SLC5A4: variants seen among roughly 807,000 people sequenced by gnomAD.
SLC5A4 encodes solute carrier family 5 member 4, also known as probable glucose sensor protein SLC5A4.
Under a neutral mutation model 70.3 loss-of-function variants are expected in SLC5A4, and 55 were observed. The ratio of observed to expected loss-of-function variants is 0.78; its 90% CI spans 0.63 to 0.98. The LOEUF (loss-of-function observed/expected upper bound fraction) is 0.98, where lower values mean the gene tolerates loss of function less well. Ranked by LOEUF, SLC5A4 falls within the 50% of genes least tolerant of loss-of-function variation. The probability of loss-of-function intolerance (pLI) is 0.00; values close to 1 mark genes in which losing one functional copy is unlikely to be tolerated. For synonymous variants in SLC5A4, 268 were observed against 305.7 expected, an observed-to-expected ratio of 0.88 and a Z score of 1.29; for missense variants, 735 against 839.2, an observed-to-expected ratio of 0.88 and a Z score of 1.53.
At chr22:32,298,859 A>G in the SLC5A4 span, among the ~76,000 whole-genome samples, 11,491 of 106,870 alleles carry the variant, frequency 0.11, 1,290 homozygotes, top group African/African-American at 0.25. Context: ...GGTGGTGACA[A>G]AATCTCTCAG....
At chr22:32,285,864 G>C in the SLC5A4 span, among the ~76,000 whole-genome samples, 5 of 152,000 alleles carry the variant, frequency 3.3e-5, no homozygotes, top group Admixed American at 6.6e-5. Context: ...AGCCTCCTGA[G>C]TAGCTGGGAC....
At chr22:32,270,863 C>T in the SLC5A4 span, 1 of 550,160 alleles carries the variant, frequency 1.8e-6, no homozygotes, top group Non-Finnish European at 3.4e-6. Context: ...GCTGCACAAG[C>T]CCCCGCTGCA....
intron 5 of SLC5A4, among the ~76,000 whole-genome samples, chr22:32,241,009 A>C (rs1037984052): frequency 6.6e-6 from 1 of 152,218 alleles, no homozygotes. Flanking sequence ...AGTTTATGGC[A>C]AAACCAACAA....
At chr22:32,311,445 T>C in the SLC5A4 span, among the ~76,000 whole-genome samples, 2 of 152,230 alleles carry the variant, frequency 1.3e-5, no homozygotes, top group African/African-American at 4.8e-5. Context: ...AGCGTGGCCT[T>C]TGGAGATGTT....
the SLC5A4 span, among the ~76,000 whole-genome samples, chr22:32,305,209 T>C: frequency 6.7e-6 from 1 of 148,398 alleles, no homozygotes; most frequent in Admixed American, 6.8e-5. Flanking sequence ...AAAATTTTCC[T>C]GTATCTTTTT....
the SLC5A4 span, among the ~76,000 whole-genome samples, chr22:32,281,460 CA>C: frequency 1.3e-5 from 2 of 152,224 alleles, no homozygotes; most frequent in South Asian, 4.1e-4. Context: ...CTGTTTTGTG[CA>C]CTGCCACAGG....
At chr22:32,324,294 T>C in the SLC5A4 span, among the ~76,000 whole-genome samples, 1 of 146,646 alleles carries the variant, frequency 6.8e-6, no homozygotes, top group Admixed American at 7.1e-5. Context: ...CATATATACG[T>C]ATATATACTA....
At chr22:32,323,655 A>C in the SLC5A4 span, among the ~76,000 whole-genome samples, 2 of 152,162 alleles carry the variant, frequency 1.3e-5, no homozygotes, top group Admixed American at 6.5e-5. Context: ...AAGTCAGAGG[A>C]GGCTTGGAGA....
chr22:32,298,883 G>GTAAA, the SLC5A4 span, among the ~76,000 whole-genome samples: 1 of 104,342 alleles, frequency 9.6e-6, no homozygotes, highest in Non-Finnish European at 2.0e-5. Flanking sequence ...TTGCTTGTCT[G>GTAAA]TAAAGTATTT....
chr22:32,354,701 G>GT, the SLC5A4 span, among the ~76,000 whole-genome samples: 1 of 151,674 alleles, frequency 6.6e-6, no homozygotes, highest in Non-Finnish European at 1.5e-5. Context: ...ACTCCCCTCT[G>GT]TGGGCAGTGA....
chr22:32,310,113 A>G, the SLC5A4 span, among the ~76,000 whole-genome samples: 1 of 151,384 alleles, frequency 6.6e-6, no homozygotes, highest in Non-Finnish European at 1.5e-5. Context: ...GTCCTCCTAG[A>G]AGGTTGTAAA....
chr22:32,225,605 G>A lies in SLC5A4; in HGVS notation c.1449+50C>T, dbSNP rs747371087. 2.7e-5 allele frequency: 34 copies of A among 1,259,886 alleles called. No homozygotes were observed. The East Asian group carries it at 6.4e-4, about 24-fold the overall frequency. 78.0% of individuals were successfully genotyped at this position (1,259,886 alleles called of 1,614,324 possible). A position where few individuals can be genotyped will look rare whatever the true frequency, so the allele number is the denominator to read the frequency against. On this transcript the variant is annotated intron_variant, in intron 12 of 14. Coordinates refer to ENST00000266086, the MANE Select transcript of SLC5A4 (RefSeq NM_014227.3). ...ATTTTGATACCCCAGTGAAATAAAC[G>A]ATTTTTTTCTCACTCCAGCAGGGAA...
At chr22:32,313,375 G>C in the SLC5A4 span, among the ~76,000 whole-genome samples, 1 of 152,122 alleles carries the variant, frequency 6.6e-6, no homozygotes, top group Non-Finnish European at 1.5e-5. Context: ...AAATTATACT[G>C]TCACCCTTGC....
chr22:32,326,611 T>TTAA, the SLC5A4 span, among the ~76,000 whole-genome samples: 7 of 152,248 alleles, frequency 4.6e-5, 1 homozygote, highest in African/African-American at 1.7e-4. Context: ...GGAGATGCTA[T>TTAA]TAATCCTACT....
chr22:32,333,044 T>C, the SLC5A4 span, among the ~76,000 whole-genome samples: 1 of 152,184 alleles, frequency 6.6e-6, no homozygotes, highest in East Asian at 1.9e-4. Context: ...AGAGATGGCT[T>C]AGAAGCCTCA....
At position 32,255,286 on chromosome 22, in the gene SLC5A4, T is replaced by G; in HGVS notation, c.44A>C (p.Glu15Ala). The change falls in exon 1 of 15, where the codon GAG becomes GCG. Residue 15 changes from glutamate to alanine, a missense_variant. Coordinates refer to ENST00000266086, the MANE Select transcript of SLC5A4 (RefSeq NM_014227.3). The part of the protein sequence containing the change: ...VSPSTIAETP[E>A]PPPLSDHIRN... ...GATGTGGTCAGACAATGGAGGTGGCTCTGGGGTCTCAGCTATGGTGCTGGG... is the reference window on the plus strand; with the variant it reads ...GATGTGGTCAGACAATGGAGGTGGCGCTGGGGTCTCAGCTATGGTGCTGGG... 1.9e-6 allele frequency: 3 copies of G among 1,614,146 alleles called. No homozygotes were observed. Among genetic ancestry groups the G allele is most frequent in the Non-Finnish European group, 1.7e-6 (2 of 1,180,006 alleles).
intron 3 of SLC5A4, among the ~76,000 whole-genome samples, chr22:32,249,139 A>G (rs1389243948): frequency 3.3e-5 from 5 of 152,232 alleles, no homozygotes; most frequent in African/African-American, 1.2e-4. Context: ...GCAATGAGAA[A>G]GGAACCTGGA....
chr22:32,272,510 G>A, the SLC5A4 span: 5 of 698,476 alleles, frequency 7.2e-6, no homozygotes, highest in African/African-American at 7.0e-5. Context: ...CTGTTACCAG[G>A]AGGAGAGCAA....
At chr22:32,237,429 T>A in intron 6 of SLC5A4, 105 bp from the exon 7 acceptor site, 2 of 716,168 alleles carry the variant, frequency 2.8e-6, no homozygotes, top group Non-Finnish European at 4.5e-6. Flanking sequence ...AATGACCCAG[T>A]AGAAGACATC....
Sources: gnomAD v4.1 joint callset for allele counts (sites outside exome capture counted in the v4.1 genomes callset) on GRCh38, gnomAD v4.1.1 for gene constraint, MANE v1.5 for transcripts, NCBI Gene and HGNC (gene_info 2026-07-23, HGNC 2026-07-21) for gene names.